The following DLG2 variants were observed in gnomAD, a reference collection of about 807,000 sequenced individuals.
DLG2 encodes disks large homolog 2.
Under a neutral mutation model 132.5 loss-of-function variants are expected in DLG2, and 45 were observed. The observed-to-expected ratio is 0.34, with a 90% confidence interval of 0.27 to 0.44. The LOEUF (loss-of-function observed/expected upper bound fraction) is 0.44, where lower values mean the gene tolerates loss of function less well. Among genes scored for constraint, DLG2 ranks in the 20% least tolerant of loss-of-function variants. The pLI is 1.00. For missense variants in DLG2, 1,045 were observed against 1,196.9 expected (o/e 0.87, Z 1.87); for synonymous variants, 424 against 419.6 (o/e 1.01, Z -0.13).
intron 6 of DLG2, among the ~76,000 whole-genome samples, chr11:84,847,761 A>G (rs1330779703): frequency 6.6e-6 from 1 of 152,150 alleles, no homozygotes. Flanking sequence ...AGCTTGTAAG[A>G]TTCTCAATGA....
chr11:83,858,900 T>C (rs2060985920), intron 16 of DLG2, among the ~76,000 whole-genome samples: 2 of 152,318 alleles, frequency 1.3e-5, no homozygotes, highest in East Asian at 1.9e-4. Context: ...AAAATGATGA[T>C]CTAGCACTCC....
chr11:84,009,969 T>G (rs1262209756), intron 11 of DLG2, among the ~76,000 whole-genome samples: 1 of 152,102 alleles, frequency 6.6e-6, no homozygotes, highest in Non-Finnish European at 1.5e-5. Context: ...AGCAAAGCCT[T>G]TCTTCCTAAG....
chr11:83,983,604 T>C (rs867062310), intron 11 of DLG2, among the ~76,000 whole-genome samples: 3 of 151,984 alleles, frequency 2.0e-5, no homozygotes, highest in Admixed American at 6.6e-5. Flanking sequence ...AAATTAACCA[T>C]AATAGTTGTT....
At chr11:83,518,688 G>C (rs1207453820) in intron 21 of DLG2, among the ~76,000 whole-genome samples, 1 of 152,064 alleles carries the variant, frequency 6.6e-6, no homozygotes, top group African/African-American at 2.4e-5. Context: ...TTAAGTGTCT[G>C]AATTATATAT....
intron 15 of DLG2, among the ~76,000 whole-genome samples, chr11:83,892,140 T>C (rs1449748697): frequency 1.3e-5 from 2 of 152,328 alleles, no homozygotes; most frequent in Admixed American, 1.3e-4. Flanking sequence ...ATGTTCCAAG[T>C]AGTCATTTGT....
intron 3 of DLG2, among the ~76,000 whole-genome samples, chr11:85,504,821 A>G (rs1350282981): frequency 1.3e-5 from 2 of 152,018 alleles, no homozygotes; most frequent in Non-Finnish European, 2.9e-5. Context: ...CCATTTTCAC[A>G]ATATTGATTC....
chr11:84,435,967 G>A (rs1453587816), intron 7 of DLG2, among the ~76,000 whole-genome samples: 1 of 151,986 alleles, frequency 6.6e-6, no homozygotes, highest in Non-Finnish European at 1.5e-5. Flanking sequence ...AATTTTTATA[G>A]GAAGAAAGGA....
intron 18 of DLG2, among the ~76,000 whole-genome samples, chr11:83,726,986 A>G (rs2090131384): frequency 6.6e-6 from 1 of 152,156 alleles, no homozygotes; most frequent in Non-Finnish European, 1.5e-5. Flanking sequence ...ATTGAAAATG[A>G]TTCTCCCACC....
chr11:85,084,547 A>G (rs2067659313), intron 6 of DLG2, among the ~76,000 whole-genome samples: 1 of 151,700 alleles, frequency 6.6e-6, no homozygotes, highest in Non-Finnish European at 1.5e-5. Flanking sequence ...TGACCCTCAG[A>G]GTCCCCCTGA....
rs1217903256 is a variant in DLG2 at position 83,662,883 on chromosome 11, C to A, written c.1826-29558G>T. 2.6e-5 allele frequency among the ~76,000 whole-genome samples: 4 copies of A among 152,184 alleles called. No individual in the cohort carries two copies. In the East Asian group the frequency reaches 7.7e-4, roughly 29 times the overall value. On this transcript the variant is annotated intron_variant, in intron 18 of 27. Transcript: ENST00000376104. ...GATCACAGGATTTTGTGGCTCTCAG[C>A]ACTGCTACAGTATCTTACAGTTTCC...
At chr11:84,636,782 ACAT>A (rs1326979844) in intron 6 of DLG2, among the ~76,000 whole-genome samples, 3 of 61,074 alleles carry the variant, frequency 4.9e-5, no homozygotes, top group African/African-American at 1.5e-4. Context: ...CAAGGGATGC[ACAT>A]TTTTTTTTTT....
chr11:85,407,806 T>C (rs1232259273), intron 3 of DLG2, among the ~76,000 whole-genome samples: 1 of 151,874 alleles, frequency 6.6e-6, no homozygotes, highest in South Asian at 2.1e-4. Context: ...CCATGAGTTA[T>C]AGGCAGCTAC....
chr11:85,310,690 A>G (rs948616041), intron 3 of DLG2, among the ~76,000 whole-genome samples: 4 of 152,216 alleles, frequency 2.6e-5, no homozygotes, highest in Non-Finnish European at 4.4e-5. Context: ...GTAATTAGGC[A>G]CTTGGCTTTT....
chr11:84,578,539 G>T (rs553746419), intron 6 of DLG2, among the ~76,000 whole-genome samples: 1 of 152,242 alleles, frequency 6.6e-6, no homozygotes, highest in South Asian at 2.1e-4. Context: ...TTTTGGATTT[G>T]CATGGGCCCT....
chr11:83,739,613 T>C (rs1370329513), intron 18 of DLG2, among the ~76,000 whole-genome samples: 3 of 152,178 alleles, frequency 2.0e-5, no homozygotes, highest in African/African-American at 7.2e-5. Context: ...CTCAACCTCA[T>C]TATTCATCAG....
intron 6 of DLG2, among the ~76,000 whole-genome samples, chr11:85,005,000 T>A (rs1257259231): frequency 6.6e-6 from 1 of 152,198 alleles, no homozygotes; most frequent in Non-Finnish European, 1.5e-5. Flanking sequence ...CCCCATTGCT[T>A]GTTTTTTGTC....
chr11:85,551,542 CTATT>C (rs2076666012), intron 3 of DLG2, among the ~76,000 whole-genome samples: 1 of 151,786 alleles, frequency 6.6e-6, no homozygotes, highest in Non-Finnish European at 1.5e-5. Flanking sequence ...TCCTTTATAA[CTATT>C]AAATTAATAT....
intron 3 of DLG2, among the ~76,000 whole-genome samples, chr11:85,468,265 C>G (rs1037332969): frequency 6.6e-6 from 1 of 152,086 alleles, no homozygotes; most frequent in Non-Finnish European, 1.5e-5. Flanking sequence ...AAAACCAGCT[C>G]CTGGATTCAT....
intron 7 of DLG2, among the ~76,000 whole-genome samples, chr11:84,528,173 C>A (rs1441134622): frequency 6.6e-6 from 1 of 152,130 alleles, no homozygotes; most frequent in East Asian, 1.9e-4. Flanking sequence ...AAGACCTAAA[C>A]TGAAAAGAAA....
Sources: gnomAD v4.1 joint callset for allele counts (sites outside exome capture counted in the v4.1 genomes callset) on GRCh38, gnomAD v4.1.1 for gene constraint, MANE v1.5 for transcripts, NCBI Gene and HGNC (gene_info 2026-07-23, HGNC 2026-07-21) for gene names.